Variants in FGFR3 observed in about 807,000 individuals in gnomAD.
FGFR3 encodes fibroblast growth factor receptor 3.
In FGFR3, 25 loss-of-function variants were observed where a neutral mutation model predicts 82.9. The observed-to-expected ratio is 0.30, with a 90% CI of 0.22 to 0.42. The LOEUF is 0.42. Ranked by LOEUF, FGFR3 falls within the 10% of genes least tolerant of loss-of-function variation. FGFR3 has a pLI of 1.00. For synonymous variants in FGFR3, 620 were observed against 516.0 expected (o/e 1.20, Z -2.73); for missense variants, 1,026 against 1,161.0 (o/e 0.88, Z 1.69).
In FGFR3 at chr4:1,793,996, C is replaced by A. The variant is rs587778351; in HGVS notation, c.62C>A (p.Ser21Tyr). Residue 21 changes from serine (S) to tyrosine (Y), a missense_variant, in exon 2 of 18, where the codon TCC becomes TAC. Ser to Tyr is a moderately radical substitution (Grantham distance 144, BLOSUM62 -2). Transcript: ENST00000440486. The stretch of plus-strand genomic sequence containing the variant: ...GCCGTGGCCATCGTGGCCGGCGCCT[C>A]CTCGGAGTCCTTGGGGACGGAGCAG... ...CVAVAIVAGA[S>Y]SESLGTEQRV... 7.2e-7 allele frequency: 1 copy of A among 1,395,190 alleles called. No homozygotes were observed. Among genetic ancestry groups the A allele is most frequent in the Non-Finnish European group, 9.4e-7 (1 of 1,062,616 alleles). The allele number at this position is 1,395,190 out of a possible 1,614,324, so 86.4% of individuals were successfully genotyped here.
intron 8 of FGFR3, among the ~76,000 whole-genome samples, chr4:1,804,075 C>G (rs778267380): frequency 6.6e-6 from 1 of 152,236 alleles, no homozygotes; most frequent in Non-Finnish European, 1.5e-5. Flanking sequence ...AAAGGCCTCT[C>G]CTGTGGCTCT....
intron 14 of FGFR3, 22 bp downstream of exon 14, chr4:1,806,195 G>C (rs3135898): frequency 6.2e-7 from 1 of 1,611,356 alleles, no homozygotes; most frequent in Non-Finnish European, 8.5e-7. Flanking sequence ...CCTGGGGTGC[G>C]GGGGTGGGGG....
intron 2 of FGFR3, among the ~76,000 whole-genome samples, chr4:1,796,015 G>A (rs1389776899): frequency 6.6e-6 from 1 of 152,184 alleles, no homozygotes; most frequent in Admixed American, 6.5e-5. Flanking sequence ...CTGGGGCTGT[G>A]GCACCCCTTG....
In FGFR3 at chr4:1,799,734, C is replaced by G. The variant is rs13129492; in HGVS notation, c.380-13C>G. 19 of 1,612,738 alleles carry G rather than the reference C, an allele frequency of 1.2e-5. No homozygotes were observed. The highest frequency in any genetic ancestry group is 1.6e-5 in the Non-Finnish European group (19 of 1,179,888). ...CAGGTTGGGCATTGGTTGCGGCCAT[C>G]TCTGCCTTGCAGACGCTCCATCCTC... On this transcript the variant is annotated splice_polypyrimidine_tract_variant and intron_variant, in intron 3 of 17. Transcript: ENST00000440486.
At chr4:1,798,376 G>T (rs1007593155) in intron 2 of FGFR3, among the ~76,000 whole-genome samples, 2 of 151,840 alleles carry the variant, frequency 1.3e-5, no homozygotes, top group Non-Finnish European at 2.9e-5. Flanking sequence ...TTGAGGGCCC[G>T]CCTGGGCCTC....
rs771297641 is a variant in FGFR3, at chr4:1,801,813, T to A, written c.740-22T>A. On this transcript the variant is annotated intron_variant, in intron 6 of 17. Coordinates refer to ENST00000440486, the MANE Select transcript of FGFR3 (RefSeq NM_000142.5). Reference sequence around the variant, plus strand: ...TGGTGGTGAGGGAGGGGGTGGCCCCTGAGCGTCATCTGCCCCCACAGAGCG... The same window carrying A: ...TGGTGGTGAGGGAGGGGGTGGCCCCAGAGCGTCATCTGCCCCCACAGAGCG... 3 of 1,602,308 alleles carry A rather than the reference T, an allele frequency of 1.9e-6. 1 individual carries two copies. The South Asian group carries it at 3.3e-5, about 18-fold the overall frequency.
rs765988008 is a variant in FGFR3, at chr4:1,801,948, A to G, written c.853A>G (p.Ile285Val). ...GGTGTACAGTGACGCACAGCCCCAC[A>G]TCCAGTGGCTCAAGCACGTGGAGGT... ...CKVYSDAQPH[I>V]QWLKHVEVNG... The change falls in exon 7 of 18, where the codon ATC becomes GTC. Residue 285 changes from isoleucine to valine, a missense_variant. Transcript: ENST00000440486. The G allele has an allele frequency of 3.1e-5, 50 of 1,612,690 alleles. No individual in the cohort carries two copies. Among genetic ancestry groups the G allele is most frequent in the Admixed American group, 6.7e-5 (4 of 60,002 alleles).
intron 7 of FGFR3, 150 bp from the exon 8 acceptor site, chr4:1,803,542 A>G: frequency 2.9e-6 from 4 of 1,363,432 alleles, no homozygotes; most frequent in Non-Finnish European, 3.9e-6. Flanking sequence ...GAGGGCCCTC[A>G]GCCGCGTGGC....
intron 4 of FGFR3, 135 bp downstream of exon 4, chr4:1,799,947 C>T (rs947826365): frequency 9.3e-6 from 9 of 970,298 alleles, no homozygotes; most frequent in African/African-American, 8.2e-5. Flanking sequence ...GTCTGGTCCC[C>T]TCAGGATACA....
intron 3 of FGFR3, 73 bp from the exon 4 acceptor site, chr4:1,799,674 C>T (rs2108774680): frequency 6.3e-7 from 1 of 1,591,160 alleles, no homozygotes; most frequent in African/African-American, 1.3e-5. Flanking sequence ...GGGACCCTGC[C>T]CCATCTGGGA....
rs367973461 is a variant in FGFR3, at chr4:1,799,396, G to A, written c.252G>A (p.Ser84=). ...AGGATGGCACAGGGCTGGTGCCCTC[G>A]GAGCGTGTCCTGGTGGGGCCCCAGC... ...WVKDGTGLVP[S]ERVLVGPQRL... The change falls in exon 3 of 18, where the codon TCG becomes TCA. Residue 84 remains serine, a synonymous_variant. Coordinates refer to ENST00000440486, the MANE Select transcript of FGFR3 (RefSeq NM_000142.5). The A allele has an allele frequency of 7.2e-4, 1,161 of 1,612,322 alleles. 1 individual carries two copies. Among genetic ancestry groups the A allele is most frequent in the Middle Eastern group, 2.0e-3 (12 of 6,028 alleles).
chr4:1,799,081 A>G (rs950414958), intron 2 of FGFR3, among the ~76,000 whole-genome samples, 173 bp from the exon 3 acceptor site: 1 of 152,162 alleles, frequency 6.6e-6, no homozygotes, highest in Non-Finnish European at 1.5e-5. Context: ...GCAAAGCTGA[A>G]GATAGAGACC....
chr4:1,804,904 C>T lies in FGFR3; in HGVS notation c.1347C>T (p.Pro449=), dbSNP rs1235122180. ...CAAGGCTGTCCTCAGGGGAGGGCCCCACGCTGGCCAATGTCTCCGAGCTCG... is the reference window on the plus strand; with the variant it reads ...CAAGGCTGTCCTCAGGGGAGGGCCCTACGCTGGCCAATGTCTCCGAGCTCG... ...RIARLSSGEG[P]TLANVSELEL... is the part of the protein sequence containing the mutation. The change falls in exon 10 of 18, where the codon CCC becomes CCT. Residue 449 remains proline, a synonymous_variant. Transcript: ENST00000440486. The T allele has an allele frequency of 3.2e-6, 5 of 1,549,878 alleles. No homozygotes were observed. Among genetic ancestry groups the T allele is most frequent in the African/African-American group, 1.4e-5 (1 of 73,012 alleles).
At position 1,805,409 on chromosome 4, in the gene FGFR3, G is replaced by A. The variant is rs773808293; in HGVS notation, c.1467G>A (p.Ala489=). 5.0e-6 allele frequency: 8 copies of A among 1,612,232 alleles called. No individual in the cohort carries two copies. The highest frequency in any genetic ancestry group is 3.3e-5 in the South Asian group (3 of 91,024). ...GCTGCTTCGGCCAGGTGGTCATGGC[G>A]GAGGCCATCGGCATTGACAAGGACC... The part of the protein sequence containing the change: ...GEGCFGQVVM[A]EAIGIDKDRA... The change falls in exon 11 of 18, where the codon GCG becomes GCA. Residue 489 remains alanine (A), a synonymous_variant. Coordinates refer to ENST00000440486, the MANE Select transcript of FGFR3 (RefSeq NM_000142.5).
rs1325464631 is a variant in FGFR3, at chr4:1,799,399, G to T, written c.255G>T (p.Glu85Asp). 6.2e-7 allele frequency: 1 copy of T among 1,612,338 alleles called. No individual in the cohort carries two copies. The highest frequency in any genetic ancestry group is 1.1e-5 in the South Asian group (1 of 91,078). The part of the protein sequence containing the change: ...VKDGTGLVPS[E>D]RVLVGPQRLQ... ...ATGGCACAGGGCTGGTGCCCTCGGA[G>T]CGTGTCCTGGTGGGGCCCCAGCGGC... The change falls in exon 3 of 18, where the codon GAG becomes GAT. Residue 85 changes from glutamate (E) to aspartate (D), a missense_variant. This residue lies in a region of FGFR3 where 226 missense variants were observed against 222.0 expected (regional missense o/e 1.02). Transcript: ENST00000440486.
rs201433984 is a variant in FGFR3 at position 1,799,302 on chromosome 4, G to C, written c.158G>C (p.Ser53Thr). Residue 53 changes from serine to threonine, a missense_variant, in exon 3 of 18, where the codon AGC (serine) becomes ACC (threonine). This residue lies in a region of FGFR3 where 226 missense variants were observed against 222.0 expected (regional missense o/e 1.02). Coordinates refer to ENST00000440486, the MANE Select transcript of FGFR3 (RefSeq NM_000142.5). The part of the protein sequence containing the change: ...PGQQEQLVFG[S>T]GDAVELSCPP... ...CAGCAGGAGCAGTTGGTCTTCGGCA[G>C]CGGGGATGCTGTGGAGCTGAGCTGT... is the stretch of plus-strand genomic sequence containing the variant. 37 of 1,612,748 alleles carry C rather than the reference G, an allele frequency of 2.3e-5. No homozygotes were observed. The Admixed American group carries it at 4.2e-4, about 18-fold the overall frequency.
At chr4:1,805,017 G>A (rs2108800746) in intron 10 of FGFR3, 48 bp downstream of exon 10, 1 of 1,511,498 alleles carries the variant, frequency 6.6e-7, no homozygotes, top group Non-Finnish European at 8.9e-7. Context: ...CTTGGTGGTG[G>A]GGGTGAAACA....
chr4:1,807,830 T>C lies in FGFR3; in HGVS notation c.*568T>C. On this transcript the variant is annotated 3_prime_UTR_variant, in exon 18 of 18. Transcript: ENST00000440486. ...TACCTGAAGATGGGAGCCTTTACCT[T>C]TTATGCAAAAGGTTTATTCCGGAAA... The C allele has an allele frequency of 2.2e-6, 1 of 454,302 alleles. No homozygotes were observed. The highest frequency in any genetic ancestry group is 4.2e-6 in the Non-Finnish European group (1 of 239,148). 28.1% of individuals were successfully genotyped at this position (454,302 alleles called of 1,614,324 possible). A position where few individuals can be genotyped will look rare whatever the true frequency, so the allele number is the denominator to read the frequency against.
chr4:1,802,553 A>G (rs937763574), intron 7 of FGFR3, among the ~76,000 whole-genome samples: 2 of 152,340 alleles, frequency 1.3e-5, no homozygotes, highest in Non-Finnish European at 2.9e-5. Flanking sequence ...ACATCTGTTC[A>G]GAGAGAAGAC....
Sources: gnomAD v4.1 joint callset for allele counts (sites outside exome capture counted in the v4.1 genomes callset) on GRCh38, gnomAD v4.1.1 for gene constraint, gnomAD v4.1.1 regional missense constraint, MANE v1.5 for transcripts, NCBI Gene and HGNC (gene_info 2026-07-23, HGNC 2026-07-21) for gene names.